ZNRF1: variants seen among roughly 807,000 people sequenced by gnomAD.
The protein encoded by ZNRF1 is zinc and ring finger 1, also known as E3 ubiquitin-protein ligase ZNRF1.
A neutral mutation model predicts 18.4 loss-of-function variants in ZNRF1; 3 were observed. The observed-to-expected ratio is 0.16, with a 90% CI of 0.07 to 0.42. ZNRF1 has a LOEUF of 0.42. ZNRF1 is among the 10% of genes least tolerant of loss of function. The probability of loss-of-function intolerance (pLI) is 0.99; values close to 1 mark genes in which losing one functional copy is unlikely to be tolerated. For missense variants in ZNRF1, 310 were observed against 329.8 expected (o/e 0.94, Z 0.47); for synonymous variants, 157 against 144.2 (o/e 1.09, Z -0.64).
intron 1 of ZNRF1, among the ~76,000 whole-genome samples, chr16:75,089,084 A>G (rs1440758841): frequency 2.6e-5 from 4 of 152,114 alleles, no homozygotes; most frequent in East Asian, 1.9e-4. Context: ...TCCCACTCGC[A>G]TAATAGACAC....
chr16:75,011,503 G>A (rs887255113), intron 1 of ZNRF1, among the ~76,000 whole-genome samples: 4 of 152,114 alleles, frequency 2.6e-5, no homozygotes, highest in African/African-American at 9.7e-5. Flanking sequence ...GAGTAGCTGG[G>A]ACTGTGGGCA....
chr16:75,036,253 C>T (rs775204232), intron 1 of ZNRF1, among the ~76,000 whole-genome samples: 1 of 152,060 alleles, frequency 6.6e-6, no homozygotes, highest in Non-Finnish European at 1.5e-5. Flanking sequence ...GTTTATTTTT[C>T]GTAGAGATGA....
chr16:75,009,611 T>C (rs1238360738), intron 1 of ZNRF1, among the ~76,000 whole-genome samples: 3 of 152,230 alleles, frequency 2.0e-5, no homozygotes, highest in Admixed American at 6.5e-5. Flanking sequence ...TTTCTTAATA[T>C]CTCTTCAAGA....
intron 1 of ZNRF1, among the ~76,000 whole-genome samples, chr16:75,078,540 C>A (rs1440687985): frequency 1.3e-5 from 2 of 152,102 alleles, no homozygotes; most frequent in Non-Finnish European, 2.9e-5. Context: ...CTCATGTGAT[C>A]CACCAGCCTC....
intron 1 of ZNRF1, among the ~76,000 whole-genome samples, chr16:75,008,442 A>G (rs1474242969): frequency 2.0e-5 from 3 of 152,024 alleles, no homozygotes; most frequent in Non-Finnish European, 4.4e-5. Flanking sequence ...CTCTGGTGCT[A>G]CAGAAGGGCT....
At chr16:75,025,036 CAT>C (rs2035202046) in intron 1 of ZNRF1, among the ~76,000 whole-genome samples, 1 of 152,018 alleles carries the variant, frequency 6.6e-6, no homozygotes, top group African/African-American at 2.4e-5. Flanking sequence ...GTTCCATGTA[CAT>C]GTGTGGATTT....
Position 75,108,436 on chromosome 16 carries a change from C to G in ZNRF1, c.*736C>G, listed in dbSNP as rs2036342041. 2.5e-6 allele frequency: 1 copy of G among 394,606 alleles called. No homozygotes were observed. The highest frequency in any genetic ancestry group is 3.6e-5 in the East Asian group (1 of 27,916). The allele number at this position is 394,606 out of a possible 1,614,324, so 24.4% of individuals were successfully genotyped here. On this transcript the variant is annotated 3_prime_UTR_variant, in exon 5 of 5. Coordinates refer to ENST00000335325, the MANE Select transcript of ZNRF1 (RefSeq NM_032268.5). The stretch of plus-strand genomic sequence containing the variant: ...AATGCCTGAACATTATTCTTAGGCC[C>G]TCGTGGATTTTTTTTTTCAGAAAAC...
At chr16:75,062,036 C>T (rs1368995822) in intron 1 of ZNRF1, among the ~76,000 whole-genome samples, 5 of 152,158 alleles carry the variant, frequency 3.3e-5, no homozygotes, top group African/African-American at 1.2e-4. Flanking sequence ...TTTGACTTGA[C>T]ACAAGTGTCA....
At position 75,040,219 on chromosome 16, in the gene ZNRF1, A is replaced by G. The variant is rs1381331910; in HGVS notation, c.424+40124A>G. ...ACCACCACGCATGGCTTAAAATCCA[A>G]TTTTATAACACTTCCATCTCTCAAA... On this transcript the variant is annotated intron_variant, in intron 1 of 4. Transcript: ENST00000335325. 2.0e-5 allele frequency among the ~76,000 whole-genome samples: 3 copies of G among 151,252 alleles called. No homozygotes were observed. The East Asian group carries it at 5.8e-4, about 29-fold the overall frequency.
At chr16:75,046,007 A>G (rs9933416) in intron 1 of ZNRF1, among the ~76,000 whole-genome samples, 115,364 of 151,528 alleles carry the variant, frequency 0.76, 46,857 homozygotes, top group Non-Finnish European at 0.91. Context: ...GGTTCAAGCA[A>G]TTCTCCTGCC....
chr16:75,092,132 C>A (rs1031733450), intron 1 of ZNRF1, among the ~76,000 whole-genome samples: 3 of 151,680 alleles, frequency 2.0e-5, no homozygotes, highest in Non-Finnish European at 4.4e-5. Context: ...GACCCCATCT[C>A]TAATATTAAG....
chr16:75,066,129 C>T (rs1434862265), intron 1 of ZNRF1, among the ~76,000 whole-genome samples: 1 of 152,164 alleles, frequency 6.6e-6, no homozygotes, highest in African/African-American at 2.4e-5. Flanking sequence ...TTTGGAGGCT[C>T]GCTCTTTGAA....
Position 75,102,607 on chromosome 16 carries a change from A to G in ZNRF1, c.521-2177A>G, listed in dbSNP as rs75867159. On this transcript the variant is annotated intron_variant, in intron 2 of 4. Coordinates refer to ENST00000335325, the MANE Select transcript of ZNRF1 (RefSeq NM_032268.5). Reference sequence around the variant, plus strand: ...CTTTTCACCTGCCCTTCAAATATTCATGTCGGCCTGGGTTTGTCTTCTGCC... The same window carrying G: ...CTTTTCACCTGCCCTTCAAATATTCGTGTCGGCCTGGGTTTGTCTTCTGCC... Among the ~76,000 whole-genome samples, 824 of 152,020 alleles carry G rather than the reference A, an allele frequency of 5.4e-3. 3 individuals are homozygous for G. Among genetic ancestry groups the G allele is most frequent in the African/African-American group, 0.019 (788 of 41,420 alleles).
chr16:75,090,965 A>C (rs1188189020), intron 1 of ZNRF1, among the ~76,000 whole-genome samples: 1 of 152,008 alleles, frequency 6.6e-6, no homozygotes, highest in African/African-American at 2.4e-5. Context: ...TGCTCAGGCT[A>C]GTCTTGAACT....
chr16:75,080,839 A>G (rs777934548), intron 1 of ZNRF1, among the ~76,000 whole-genome samples: 5 of 152,106 alleles, frequency 3.3e-5, no homozygotes, highest in Non-Finnish European at 7.4e-5. Context: ...CCACTACTGC[A>G]CTCCAGCCTG....
intron 1 of ZNRF1, among the ~76,000 whole-genome samples, chr16:75,077,738 G>T (rs1352222404): frequency 1.3e-5 from 2 of 152,146 alleles, no homozygotes; most frequent in African/African-American, 4.8e-5. Flanking sequence ...TGCTTCTGGA[G>T]GCTCTAGGGG....
At chr16:75,079,352 C>T (rs375170041) in intron 1 of ZNRF1, among the ~76,000 whole-genome samples, 10 of 152,272 alleles carry the variant, frequency 6.6e-5, no homozygotes, top group East Asian at 5.8e-4. Context: ...TGGTGGCACA[C>T]GCCTATAGTC....
chr16:75,095,820 G>T (rs557801503), intron 2 of ZNRF1: 22 of 1,388,288 alleles, frequency 1.6e-5, no homozygotes, highest in Non-Finnish European at 2.1e-5. Context: ...GTCCCCCTCT[G>T]TATCAGCACT....
chr16:75,096,061 C>CGTGTGTGTGTGTGTGTGT (rs56013949), intron 2 of ZNRF1, among the ~76,000 whole-genome samples: 2,673 of 139,462 alleles, frequency 0.019, 53 homozygotes, highest in Admixed American at 0.038. Flanking sequence ...TATGTGTGCA[C>CGTGTGTGTGTGTGTGTGT]GTGTGTGTGT....
Sources: gnomAD v4.1 joint callset for allele counts (sites outside exome capture counted in the v4.1 genomes callset) on GRCh38, gnomAD v4.1.1 for gene constraint, MANE v1.5 for transcripts, NCBI Gene and HGNC (gene_info 2026-07-23, HGNC 2026-07-21) for gene names.